DOCK3: variants seen among roughly 807,000 people sequenced by gnomAD.
The protein encoded by DOCK3 is dedicator of cytokinesis 3.
In DOCK3, 60 loss-of-function variants were observed where a neutral mutation model predicts 265.6. The ratio of observed to expected loss-of-function variants is 0.23; its 90% CI spans 0.18 to 0.28. The LOEUF (loss-of-function observed/expected upper bound fraction) is 0.28. DOCK3 is among the 10% of genes least tolerant of loss of function. The probability of loss-of-function intolerance (pLI) is 1.00; values close to 1 mark genes in which losing one functional copy is unlikely to be tolerated. For synonymous variants in DOCK3, 881 were observed against 938.0 expected, an observed-to-expected ratio of 0.94 and a Z score of 1.11; for missense variants, 1,981 against 2,594.3, an observed-to-expected ratio of 0.76 and a Z score of 5.14.
intron 12 of DOCK3, among the ~76,000 whole-genome samples, chr3:51,167,783 A>G (rs753322183): frequency 6.6e-6 from 1 of 152,046 alleles, no homozygotes; most frequent in Non-Finnish European, 1.5e-5. Flanking sequence ...CTGATTTTTT[A>G]TGTTGATTTT....
chr3:51,016,810 TATATATC>T (rs1433308567), intron 5 of DOCK3, among the ~76,000 whole-genome samples: 118 of 6,924 alleles, frequency 0.017, 43 homozygotes, highest in African/African-American at 0.071. Flanking sequence ...TATATGTTTA[TATATATC>T]ATATATAAAT....
chr3:50,882,372 C>A (rs1488318664), intron 3 of DOCK3, among the ~76,000 whole-genome samples: 2 of 152,124 alleles, frequency 1.3e-5, no homozygotes, highest in Non-Finnish European at 2.9e-5. Flanking sequence ...ACCCATCTGA[C>A]AAAGGGCTAA....
chr3:50,758,832 A>G lies in DOCK3; in HGVS notation c.38-19843A>G, dbSNP rs540270025. ...TTGAAAAATCATGAATTGAACCATC[A>G]TAAGTTGAGGATCATCTATAGTGGA... On this transcript the variant is annotated intron_variant, in intron 1 of 52. Transcript: ENST00000266037. 5.3e-5 allele frequency among the ~76,000 whole-genome samples: 8 copies of G among 152,352 alleles called. No individual in the cohort carries two copies. In the South Asian group the frequency reaches 1.4e-3, roughly 28 times the overall value.
chr3:51,206,419 A>G (rs1489174931), intron 12 of DOCK3, among the ~76,000 whole-genome samples: 2 of 152,194 alleles, frequency 1.3e-5, no homozygotes, highest in Non-Finnish European at 2.9e-5. Flanking sequence ...CCTAAAATAT[A>G]ATAGGTATTC....
At chr3:51,260,031 G>A in intron 22 of DOCK3, 125 bp from the exon 23 acceptor site, 1 of 958,688 alleles carries the variant, frequency 1.0e-6, no homozygotes, top group Non-Finnish European at 1.5e-6. Flanking sequence ...TATCTCCATA[G>A]TTAGAATTGC....
intron 1 of DOCK3, among the ~76,000 whole-genome samples, chr3:50,699,027 C>A (rs184571117): frequency 6.6e-6 from 1 of 152,218 alleles, no homozygotes; most frequent in Middle Eastern, 3.4e-3. Context: ...GTGCCGTTGG[C>A]GTATCAAGGA....
chr3:51,163,673 A>G (rs189777496), intron 12 of DOCK3, among the ~76,000 whole-genome samples: 15 of 152,320 alleles, frequency 9.8e-5, no homozygotes, highest in Middle Eastern at 3.4e-3. Context: ...CAAATACAAG[A>G]TGGCTTTGAA....
chr3:51,050,473 A>G lies in DOCK3; in HGVS notation c.316-13975A>G, dbSNP rs148964919. ...ATTGTAGCACATTGGGGTTCTCCAA[A>G]GAAACAGAATCAATAAGATATATAT... is the stretch of plus-strand genomic sequence containing the variant. On this transcript the variant is annotated intron_variant, in intron 5 of 52. Coordinates refer to ENST00000266037, the MANE Select transcript of DOCK3 (RefSeq NM_004947.5). 9.2e-5 allele frequency among the ~76,000 whole-genome samples: 14 copies of G among 152,332 alleles called. No homozygotes were observed. In the East Asian group the frequency reaches 2.5e-3, roughly 27 times the overall value.
Position 51,228,789 on chromosome 3 carries a change from C to T in DOCK3, c.1776C>T (p.Phe592=). ...TCCAGCGCAGCACCAAAGAGTCTTTCTTCATCTCCACTCAGCTCTCCTCTA... is the reference window on the plus strand; with the variant it reads ...TCCAGCGCAGCACCAAAGAGTCTTTTTTCATCTCCACTCAGCTCTCCTCTA... ...LIFQRSTKES[F]FISTQLSSTK... The change falls in exon 18 of 53, where the codon TTC becomes TTT. Residue 592 remains phenylalanine, a synonymous_variant. Coordinates refer to ENST00000266037, the MANE Select transcript of DOCK3 (RefSeq NM_004947.5). The T allele has an allele frequency of 6.2e-7, 1 of 1,614,032 alleles. No individual in the cohort carries two copies. The highest frequency in any genetic ancestry group is 8.5e-7 in the Non-Finnish European group (1 of 1,179,878).
At chr3:51,097,740 C>T (rs1378126292) in intron 9 of DOCK3, among the ~76,000 whole-genome samples, 1 of 152,178 alleles carries the variant, frequency 6.6e-6, no homozygotes, top group African/African-American at 2.4e-5. Flanking sequence ...GCCCTGGTGG[C>T]GTAGGCACCT....
intron 33 of DOCK3, 99 bp from the exon 34 acceptor site, chr3:51,332,902 C>T: frequency 1.3e-6 from 2 of 1,517,184 alleles, no homozygotes; most frequent in Non-Finnish European, 1.8e-6. Flanking sequence ...ACCTCAGTGG[C>T]ATCCTTAGGA....
intron 7 of DOCK3, 117 bp downstream of exon 7, chr3:51,075,557 G>A (rs1387793430): frequency 1.3e-6 from 1 of 742,894 alleles, no homozygotes; most frequent in Non-Finnish European, 2.2e-6. Context: ...CTCTTTCCCA[G>A]TGTATTTAAG....
intron 9 of DOCK3, among the ~76,000 whole-genome samples, chr3:51,142,599 C>G (rs2085113363): frequency 1.3e-5 from 2 of 152,050 alleles, no homozygotes; most frequent in Admixed American, 1.3e-4. Context: ...AAATGATACT[C>G]TACTATGTAG....
chr3:50,988,652 G>C (rs2077992359), intron 5 of DOCK3, among the ~76,000 whole-genome samples: 1 of 152,122 alleles, frequency 6.6e-6, no homozygotes, highest in African/African-American at 2.4e-5. Flanking sequence ...ACTGGCCCCT[G>C]TCTCCCTGGG....
chr3:50,939,127 C>G (rs1176977341), intron 5 of DOCK3, among the ~76,000 whole-genome samples: 2 of 151,682 alleles, frequency 1.3e-5, no homozygotes, highest in African/African-American at 4.8e-5. Context: ...ATTAAGCAGG[C>G]AAAAAGAAAA....
rs181080693 is a variant in DOCK3, at chr3:51,255,161, A to G, written c.2185-4995A>G. ...GGCTGGATATGAAATTCTGGTTTGA[A>G]AATTCTTTTCTTTAAGAATGTTGAA... On this transcript the variant is annotated intron_variant, in intron 22 of 52. Coordinates refer to ENST00000266037, the MANE Select transcript of DOCK3 (RefSeq NM_004947.5). 1.4e-4 allele frequency among the ~76,000 whole-genome samples: 22 copies of G among 152,342 alleles called. No homozygotes were observed. In the East Asian group the frequency reaches 3.5e-3, roughly 24 times the overall value.
intron 1 of DOCK3, chr3:50,719,838 C>T (rs993450199): frequency 1.4e-6 from 1 of 740,680 alleles, no homozygotes. Flanking sequence ...ACACTTATAA[C>T]CAAATGCATT....
chr3:51,230,888 G>A (rs1471392640), intron 19 of DOCK3, among the ~76,000 whole-genome samples: 1 of 151,976 alleles, frequency 6.6e-6, no homozygotes, highest in Non-Finnish European at 1.5e-5. Flanking sequence ...ATGTTATTGT[G>A]AATAATACCG....
chr3:51,276,572 ACTT>A (rs2108944725), intron 25 of DOCK3: 1 of 400,574 alleles, frequency 2.5e-6, no homozygotes, highest in Admixed American at 6.4e-5. Context: ...AGGAAAGATG[ACTT>A]TGGTCCCAAG....
Sources: allele counts gnomAD v4.1 joint callset (sites outside exome capture counted in the v4.1 genomes callset), GRCh38; gene constraint gnomAD v4.1.1; transcripts MANE v1.5; gene names NCBI Gene and HGNC (gene_info 2026-07-23, HGNC 2026-07-21).